Variants in CDH13 observed in about 807,000 individuals in gnomAD.
The protein encoded by CDH13 is cadherin-13.
A neutral mutation model predicts 63.8 loss-of-function variants in CDH13; 24 were observed. That is an observed-to-expected ratio of 0.38 (90% CI 0.27 to 0.53). The LOEUF is 0.53. Among genes scored for constraint, CDH13 ranks in the 20% least tolerant of loss-of-function variants. The probability of loss-of-function intolerance (pLI) is 0.85; values close to 1 mark genes in which losing one functional copy is unlikely to be tolerated. For missense variants in CDH13, 1,049 were observed against 903.1 expected, an observed-to-expected ratio of 1.16 and a Z score of -2.07; for synonymous variants, 503 against 355.3, an observed-to-expected ratio of 1.42 and a Z score of -4.67.
chr16:83,599,987 C>G (rs1163838523), intron 7 of CDH13, among the ~76,000 whole-genome samples: 1 of 152,138 alleles, frequency 6.6e-6, no homozygotes, highest in East Asian at 1.9e-4. Flanking sequence ...TACATGCAGT[C>G]CAGCTCGTCA....
At chr16:83,181,003 C>T (rs759328334) in intron 4 of CDH13, 13 of 1,525,506 alleles carry the variant, frequency 8.5e-6, no homozygotes, top group Non-Finnish European at 1.1e-5. Flanking sequence ...AGGAATAAAT[C>T]ACAAACATTT....
chr16:83,508,055 A>AGAAGGAAGGAAGGAAGGAGGGAAGGAAG (rs2074445776), intron 7 of CDH13, among the ~76,000 whole-genome samples: 2 of 58,234 alleles, frequency 3.4e-5, no homozygotes, highest in Admixed American at 2.2e-4. Flanking sequence ...GAGAAAGAGA[A>AGAAGGAAGGAAGGAAGGAGGGAAGGAAG]GAAGGAAGGA....
At chr16:83,073,354 T>TGTGAGAGA (rs1311548254) in intron 3 of CDH13, among the ~76,000 whole-genome samples, 31 of 139,856 alleles carry the variant, frequency 2.2e-4, no homozygotes, top group East Asian at 2.1e-3. Context: ...TGTGTGTGTG[T>TGTGAGAGA]GAGAGAGAGA....
chr16:83,357,983 G>A (rs188986004), intron 6 of CDH13, among the ~76,000 whole-genome samples: 1 of 152,178 alleles, frequency 6.6e-6, no homozygotes, highest in Non-Finnish European at 1.5e-5. Flanking sequence ...GCCACAGCAG[G>A]CTAGAGGCGG....
chr16:82,713,129 C>G (rs940342786), intron 1 of CDH13, among the ~76,000 whole-genome samples: 31 of 151,946 alleles, frequency 2.0e-4, no homozygotes, highest in Admixed American at 1.9e-3. Context: ...GAGGGAATAG[C>G]AACTCGAAGT....
At position 82,962,335 on chromosome 16, in the gene CDH13, T is replaced by C. The variant is rs114892344; in HGVS notation, c.158-69675T>C. ...TGGATGAAGCAAGGAAGGATCCTTT[T>C]TTAGAGACTTCCAAAAAAGCGTGGC... On this transcript the variant is annotated intron_variant, in intron 2 of 13. Transcript: ENST00000567109. 9.5e-3 allele frequency among the ~76,000 whole-genome samples: 1,440 copies of C among 152,304 alleles called. 20 individuals carry two copies. The highest frequency in any genetic ancestry group is 0.03 in the African/African-American group (1,237 of 41,554).
At chr16:82,766,197 T>C (rs1433836391) in intron 1 of CDH13, among the ~76,000 whole-genome samples, 2 of 152,230 alleles carry the variant, frequency 1.3e-5, no homozygotes, top group African/African-American at 4.8e-5. Flanking sequence ...AAAAGTCTTA[T>C]TCGTGAGATG....
At chr16:83,784,596 A>G (rs1311873567) in intron 13 of CDH13, among the ~76,000 whole-genome samples, 1 of 147,162 alleles carries the variant, frequency 6.8e-6, no homozygotes, top group Admixed American at 7.0e-5. Context: ...CATGCCATTG[A>G]TCTCCAACCT....
chr16:83,510,215 AT>A (rs764223302), intron 7 of CDH13, among the ~76,000 whole-genome samples: 4 of 152,206 alleles, frequency 2.6e-5, no homozygotes, highest in Non-Finnish European at 4.4e-5. Flanking sequence ...AGTGAAGAAC[AT>A]TTTTTATTCA....
At chr16:83,651,313 G>A (rs145668250) in intron 8 of CDH13, among the ~76,000 whole-genome samples, 37 of 152,144 alleles carry the variant, frequency 2.4e-4, no homozygotes, top group Middle Eastern at 3.4e-3. Context: ...AACAAACATC[G>A]TTTCTTTATG....
At chr16:83,713,804 G>A (rs180859223) in intron 10 of CDH13, among the ~76,000 whole-genome samples, 4 of 152,290 alleles carry the variant, frequency 2.6e-5, no homozygotes, top group Admixed American at 2.6e-4. Context: ...TGCCAGTGAC[G>A]TCAGCCCTGC....
intron 3 of CDH13, among the ~76,000 whole-genome samples, chr16:83,079,026 C>A (rs1203541752): frequency 6.6e-6 from 1 of 152,152 alleles, no homozygotes; most frequent in African/African-American, 2.4e-5. Context: ...AACTCCTGAC[C>A]TCAGGTGATC....
intron 2 of CDH13, among the ~76,000 whole-genome samples, chr16:82,930,856 G>C (rs2042468026): frequency 6.6e-6 from 1 of 152,138 alleles, no homozygotes; most frequent in South Asian, 2.1e-4. Flanking sequence ...CTATCAGAGA[G>C]GACATAAATC....
At chr16:83,271,182 C>T (rs2088795592) in intron 5 of CDH13, among the ~76,000 whole-genome samples, 1 of 151,704 alleles carries the variant, frequency 6.6e-6, no homozygotes, top group Non-Finnish European at 1.5e-5. Context: ...ATGCCCTATC[C>T]CCAGAAGCTC....
At chr16:83,688,263 C>A (rs1203829129) in intron 10 of CDH13, among the ~76,000 whole-genome samples, 2 of 152,138 alleles carry the variant, frequency 1.3e-5, no homozygotes, top group Non-Finnish European at 2.9e-5. Flanking sequence ...TCTTCTAAGA[C>A]CTTTGGAAGA....
intron 1 of CDH13, among the ~76,000 whole-genome samples, chr16:82,846,587 C>T (rs976854512): frequency 5.3e-5 from 8 of 152,132 alleles, no homozygotes; most frequent in African/African-American, 1.9e-4. Context: ...ATTGAGATTT[C>T]GACCCAGTTA....
At chr16:83,746,941 T>C (rs561904793) in intron 10 of CDH13, among the ~76,000 whole-genome samples, 13 of 152,332 alleles carry the variant, frequency 8.5e-5, no homozygotes, top group African/African-American at 2.9e-4. Context: ...TTTCCCATTA[T>C]CCAAAGTCAA....
chr16:82,972,070 T>A (rs983299271), intron 2 of CDH13, among the ~76,000 whole-genome samples: 1 of 152,212 alleles, frequency 6.6e-6, no homozygotes, highest in African/African-American at 2.4e-5. Context: ...GATGGATTTT[T>A]ATCAGAAGAG....
At chr16:82,656,918 C>CTTTTTTT (rs200722234) in intron 1 of CDH13, among the ~76,000 whole-genome samples, 9 of 131,060 alleles carry the variant, frequency 6.9e-5, no homozygotes, top group Non-Finnish European at 1.5e-4. Context: ...TTTGGTAGCT[C>CTTTTTTT]TTTTTTTTTT....
Sources: gnomAD v4.1 joint callset for allele counts (sites outside exome capture counted in the v4.1 genomes callset) on GRCh38, gnomAD v4.1.1 for gene constraint, MANE v1.5 for transcripts, NCBI Gene and HGNC (gene_info 2026-07-23, HGNC 2026-07-21) for gene names.